BICRAL: variants seen among roughly 807,000 people sequenced by gnomAD.
The protein encoded by BICRAL is BRD4-interacting chromatin-remodeling complex-associated protein-like.
Under a neutral mutation model 91.8 loss-of-function variants are expected in BICRAL, and 8 were observed. That is an observed-to-expected ratio of 0.09 (90% CI 0.05 to 0.16). The LOEUF is 0.16. BICRAL is among the 10% of genes least tolerant of loss of function. The pLI is 1.00. For synonymous variants in BICRAL, 445 were observed against 491.1 expected (o/e 0.91, Z 1.24); for missense variants, 1,038 against 1,310.9 (o/e 0.79, Z 3.21).
chr6:42,760,397 C>T (rs1008290230), intron 1 of BICRAL, among the ~76,000 whole-genome samples: 1 of 149,858 alleles, frequency 6.7e-6, no homozygotes, highest in African/African-American at 2.5e-5. Flanking sequence ...GACTTGTTCT[C>T]ATTTCTAGAG....
At position 42,751,663 on chromosome 6, in the gene BICRAL, T is replaced by A. The variant is rs1469986514; in HGVS notation, c.-261+4640T>A. Among the ~76,000 whole-genome samples the A allele has an allele frequency of 4.5e-3, 665 of 148,742 alleles. 4 individuals are homozygous for A. Among genetic ancestry groups the A allele is most frequent in the African/African-American group, 0.016 (639 of 40,740 alleles). ...CCTTTTTCTTTCTTTTCTTTTTTTT[T>A]TTTTTTTTTTTGAGACGGAGTTTTG... On this transcript the variant is annotated intron_variant, in intron 1 of 14. Coordinates refer to the BICRAL transcript ENST00000614467.
chr6:42,864,226 G>A (rs1270637683), intron 12 of BICRAL, among the ~76,000 whole-genome samples: 4 of 151,798 alleles, frequency 2.6e-5, no homozygotes, highest in South Asian at 4.2e-4. Flanking sequence ...TGTAATCCCA[G>A]CTACTCGAGA....
At chr6:42,753,630 C>T (rs1485701315) in intron 1 of BICRAL, among the ~76,000 whole-genome samples, 1 of 151,894 alleles carries the variant, frequency 6.6e-6, no homozygotes, top group Non-Finnish European at 1.5e-5. Context: ...TGTTTTTTTT[C>T]AGACAGGGTC....
intron 1 of BICRAL, among the ~76,000 whole-genome samples, chr6:42,770,234 T>C (rs1396240691): frequency 4.0e-5 from 6 of 151,258 alleles, no homozygotes; most frequent in Admixed American, 3.9e-4. Flanking sequence ...TTTTTTGTTT[T>C]CTTTTGTTTT....
chr6:42,794,961 CAA>C (rs34561323), intron 1 of BICRAL, among the ~76,000 whole-genome samples: 2 of 139,000 alleles, frequency 1.4e-5, no homozygotes, highest in Non-Finnish European at 1.6e-5. Context: ...AACGCCATCT[CAA>C]AAAAAAAAAA....
At chr6:42,814,465 A>G (rs1763921580) in intron 2 of BICRAL, among the ~76,000 whole-genome samples, 1 of 141,530 alleles carries the variant, frequency 7.1e-6, no homozygotes, top group Non-Finnish European at 1.5e-5. Context: ...ATACGTATAC[A>G]TACATATACA....
chr6:42,766,066 G>C (rs758303824), intron 1 of BICRAL, among the ~76,000 whole-genome samples: 2 of 152,034 alleles, frequency 1.3e-5, no homozygotes, highest in African/African-American at 4.8e-5. Flanking sequence ...GGCTGGTCTC[G>C]AACTCCTGGG....
At chr6:42,813,260 A>T (rs1686272795) in intron 2 of BICRAL, among the ~76,000 whole-genome samples, 2 of 152,064 alleles carry the variant, frequency 1.3e-5, no homozygotes, top group South Asian at 4.1e-4. Flanking sequence ...CACTGGAAGC[A>T]TGAAGAGAAC....
intron 6 of BICRAL, among the ~76,000 whole-genome samples, chr6:42,846,405 A>T (rs1471209254): frequency 1.3e-5 from 2 of 151,992 alleles, no homozygotes; most frequent in Non-Finnish European, 2.9e-5. Context: ...ATAAATAAAT[A>T]AATAAATAAA....
intron 1 of BICRAL, among the ~76,000 whole-genome samples, chr6:42,768,936 G>C (rs1762679480): frequency 6.6e-6 from 1 of 152,134 alleles, no homozygotes. Context: ...CAGATGCTTT[G>C]AGAAAAAACA....
intron 1 of BICRAL, among the ~76,000 whole-genome samples, chr6:42,788,221 T>C (rs1763159178): frequency 7.7e-6 from 1 of 130,456 alleles, no homozygotes. Context: ...GGAGCAGCAT[T>C]CTTTTTTTTT....
At position 42,753,551 on chromosome 6, in the gene BICRAL, C is replaced by T. The variant is rs1348070915; in HGVS notation, c.-261+6528C>T. On this transcript the variant is annotated intron_variant, in intron 1 of 14. Transcript: ENST00000614467. ...GCTGGAGGAAATGGTACTTAAAACA[C>T]AGGTGCAAGGAGTAGTTATAGATAG... is the stretch of plus-strand genomic sequence containing the variant. Among the ~76,000 whole-genome samples the T allele has an allele frequency of 4.6e-5, 7 of 152,164 alleles. No individual in the cohort carries two copies. The East Asian group carries it at 1.3e-3, about 29-fold the overall frequency.
chr6:42,773,003 G>C (rs1192629947), intron 1 of BICRAL, among the ~76,000 whole-genome samples: 1 of 152,026 alleles, frequency 6.6e-6, no homozygotes, highest in African/African-American at 2.4e-5. Flanking sequence ...GCAGGAGAAT[G>C]ATTACCCAAT....
chr6:42,864,830 A>G lies in BICRAL; in HGVS notation c.2624A>G (p.His875Arg), dbSNP rs1765660063. ...AKTGVTEPMN[H>R]DQFHLVPNHI... Reference sequence around the variant, plus strand: ...ACCGGTGTGACGGAACCCATGAATCATGACCAGTTTCATCTAGTGCCTAAT... The same window carrying G: ...ACCGGTGTGACGGAACCCATGAATCGTGACCAGTTTCATCTAGTGCCTAAT... Residue 875 changes from histidine to arginine, a missense_variant, in exon 13 of 13, where the codon CAT (histidine) becomes CGT (arginine). His to Arg is a conservative substitution (Grantham distance 29, BLOSUM62 0). Around this residue, in one of 5 missense-constraint regions of BICRAL, gnomAD observed 294 missense variants for 292.6 expected, o/e 1.00. Coordinates refer to ENST00000314073, the MANE Select transcript of BICRAL (RefSeq NM_001393499.1). 6.2e-7 allele frequency: 1 copy of G among 1,614,106 alleles called. No homozygotes were observed. Among genetic ancestry groups the G allele is most frequent in the African/African-American group, 1.3e-5 (1 of 74,948 alleles).
At chr6:42,804,649 A>G (rs1208544270) in intron 1 of BICRAL, among the ~76,000 whole-genome samples, 1 of 152,210 alleles carries the variant, frequency 6.6e-6, no homozygotes, top group Non-Finnish European at 1.5e-5. Context: ...CAAGTGGTCA[A>G]GGTGGCAAAG....
intron 12 of BICRAL, among the ~76,000 whole-genome samples, chr6:42,863,889 C>T (rs1431205429): frequency 6.6e-6 from 1 of 151,938 alleles, no homozygotes; most frequent in Non-Finnish European, 1.5e-5. Flanking sequence ...TTAGGCCAGG[C>T]GTGGTGGGTC....
At chr6:42,763,419 A>G (rs772815302) in intron 1 of BICRAL, among the ~76,000 whole-genome samples, 13 of 152,262 alleles carry the variant, frequency 8.5e-5, no homozygotes, top group Non-Finnish European at 1.5e-4. Flanking sequence ...GTTGAAAGTT[A>G]AATAAGAAGC....
intron 1 of BICRAL, among the ~76,000 whole-genome samples, chr6:42,787,031 G>C (rs906279940): frequency 2.0e-5 from 3 of 151,954 alleles, no homozygotes; most frequent in Non-Finnish European, 4.4e-5. Flanking sequence ...AGGAAGAGAG[G>C]AAACAGGGAA....
chr6:42,821,033 C>T (rs1442274310), intron 2 of BICRAL: 1 of 152,236 alleles, frequency 6.6e-6, no homozygotes, highest in Non-Finnish European at 1.5e-5. Context: ...GTCCCTTCTG[C>T]CTTCGGGCGT....
Sources: gnomAD v4.1 joint callset for allele counts (sites outside exome capture counted in the v4.1 genomes callset) on GRCh38, gnomAD v4.1.1 for gene constraint, gnomAD v4.1.1 regional missense constraint, MANE v1.5 for transcripts, NCBI Gene and HGNC (gene_info 2026-07-23, HGNC 2026-07-21) for gene names.